DNMT1: variants seen among roughly 807,000 people sequenced by gnomAD.
DNMT1 encodes the protein DNA (cytosine-5)-methyltransferase 1.
In DNMT1, 24 loss-of-function variants were observed where a neutral mutation model predicts 205.3. The ratio of observed to expected loss-of-function variants is 0.12; its 90% confidence interval spans 0.08 to 0.16. The LOEUF is 0.16. Among genes scored for constraint, DNMT1 ranks in the 10% least tolerant of loss-of-function variants. DNMT1 has a pLI of 1.00. For synonymous variants in DNMT1, 817 were observed against 839.8 expected, an observed-to-expected ratio of 0.97 and a Z score of 0.47; for missense variants, 1,293 against 2,177.7, an observed-to-expected ratio of 0.59 and a Z score of 8.09.
At chr19:10,177,945 A>G (rs192914952) in intron 5 of DNMT1, among the ~76,000 whole-genome samples, 13 of 151,826 alleles carry the variant, frequency 8.6e-5, no homozygotes, top group Admixed American at 2.0e-4. Flanking sequence ...AAAAAAAAAA[A>G]AAAAGAAAAG....
chr19:10,167,076 G>A (rs1009320456), intron 10 of DNMT1, among the ~76,000 whole-genome samples: 1 of 152,154 alleles, frequency 6.6e-6, no homozygotes, highest in Non-Finnish European at 1.5e-5. Context: ...GCACACAGGG[G>A]TCCGAGTCTT....
chr19:10,191,458 C>T (rs2039303749), intron 1 of DNMT1, among the ~76,000 whole-genome samples: 1 of 151,706 alleles, frequency 6.6e-6, no homozygotes, highest in African/African-American at 2.4e-5. Context: ...AACTCCAATG[C>T]CTACAGTGAA....
At chr19:10,194,660 G>T in intron 1 of DNMT1, 160 bp downstream of exon 1, 1 of 1,005,908 alleles carries the variant, frequency 9.9e-7, no homozygotes. Context: ...GCGACCGGAA[G>T]TGCCACCCTG....
intron 13 of DNMT1, among the ~76,000 whole-genome samples, chr19:10,161,073 G>A (rs776823271): frequency 3.9e-5 from 6 of 152,086 alleles, no homozygotes; most frequent in Non-Finnish European, 7.4e-5. Context: ...TTGGGAGACC[G>A]AGGCGGATGG....
chr19:10,162,357 C>T (rs2038586336), intron 13 of DNMT1, among the ~76,000 whole-genome samples: 1 of 151,514 alleles, frequency 6.6e-6, no homozygotes, highest in Non-Finnish European at 1.5e-5. Flanking sequence ...GCAACCTCCA[C>T]CTCCCAGGCT....
intron 28 of DNMT1, 160 bp from the exon 29 acceptor site, chr19:10,144,147 C>T (rs1188682105): frequency 9.0e-6 from 7 of 777,498 alleles, no homozygotes; most frequent in East Asian, 2.8e-5. Context: ...TTGTGGCTCA[C>T]GCCTGTAATC....
At chr19:10,152,082 C>A (rs997116992) in intron 22 of DNMT1, among the ~76,000 whole-genome samples, 2 of 134,334 alleles carry the variant, frequency 1.5e-5, no homozygotes, top group African/African-American at 5.6e-5. Flanking sequence ...ATTGCCTGAA[C>A]CTGGGAGGTG....
chr19:10,143,629 A>G, intron 29 of DNMT1, 137 bp downstream of exon 29: 2 of 993,628 alleles, frequency 2.0e-6, no homozygotes, highest in South Asian at 2.6e-5. Context: ...GCCCACCGAT[A>G]ATCAGAAACA....
chr19:10,142,420 G>A (rs2089618130), intron 29 of DNMT1, among the ~76,000 whole-genome samples, 200 bp from the exon 30 acceptor site: 1 of 150,708 alleles, frequency 6.6e-6, no homozygotes, highest in Non-Finnish European at 1.5e-5. Context: ...CTGCAAGGTA[G>A]ACTCCCCCCC....
chr19:10,151,878 G>A lies in DNMT1; in HGVS notation c.2020-31C>T. 6.2e-7 allele frequency: 1 copy of A among 1,604,674 alleles called. No homozygotes were observed. ...AAATGGCATTAAAAAGGCAAATCAG[G>A]GCTGGGCACAGTGGTTCATGCCTGT... is the stretch of plus-strand genomic sequence containing the variant. On this transcript the variant is annotated intron_variant, in intron 22 of 40. Coordinates refer to ENST00000359526, the MANE Select transcript of DNMT1 (RefSeq NM_001130823.3). This position sits in a 1 kb window ranked among gnomAD's most constrained non-coding sequence, Gnocchi z 5.0.
chr19:10,177,145 T>C (rs1188180625), intron 6 of DNMT1, 147 bp downstream of exon 6: 8 of 720,986 alleles, frequency 1.1e-5, no homozygotes, highest in Non-Finnish European at 1.7e-5. Flanking sequence ...TTTTCAGAAA[T>C]GCTATTCATA....
intron 6 of DNMT1, 97 bp from the exon 7 acceptor site, chr19:10,175,715 C>T: frequency 1.7e-6 from 2 of 1,174,872 alleles, no homozygotes; most frequent in South Asian, 2.5e-5. Flanking sequence ...TTGAAAGAGG[C>T]TTCAAGTTTA....
chr19:10,182,799 A>G (rs1789084139), intron 1 of DNMT1, among the ~76,000 whole-genome samples: 1 of 150,824 alleles, frequency 6.6e-6, no homozygotes, highest in Non-Finnish European at 1.5e-5. Context: ...CCTCCCAAGT[A>G]GCTGGGATTA....
At position 10,137,148 on chromosome 19, in the gene DNMT1, G is replaced by T. The variant is rs2089501004; in HGVS notation, c.4426C>A (p.His1476Asn). ...TMARKLRYTH[H>N]DRKNGRSSSG... ...CTGCTGCGGCCGTTCTTCCTGTCATGGTGGGTATACCGCAGCTTCCTGGCC... is the reference window on the plus strand; with the variant it reads ...CTGCTGCGGCCGTTCTTCCTGTCATTGTGGGTATACCGCAGCTTCCTGGCC... Residue 1476 changes from histidine (H) to asparagine (N), a missense_variant, in exon 37 of 41, where the codon CAT becomes AAT. His to Asn is a moderately conservative substitution (Grantham distance 68). Around this residue, in one of 13 missense-constraint regions of DNMT1, gnomAD observed 148 missense variants for 256.1 expected, o/e 0.58. Transcript: ENST00000359526. The surrounding 1 kb of genome is among the most constrained non-coding windows in gnomAD (Gnocchi z 6.4). 1 of 1,610,690 alleles carries T rather than the reference G, an allele frequency of 6.2e-7. No individual in the cohort carries two copies. The highest frequency in any genetic ancestry group is 8.5e-7 in the Non-Finnish European group (1 of 1,179,110).
At position 10,138,579 on chromosome 19, in the gene DNMT1, A is replaced by G. The variant is rs768712864; in HGVS notation, c.3975T>C (p.Thr1325=). ...LQAGQYGVAQ[T]RRRAIILAAA... is the part of the protein sequence containing the mutation. ...CGGCCAGGATGATGGCCCGCCTCCT[A>G]GTCTGGGCCACGCCGTACTGACCGG... is the stretch of plus-strand genomic sequence containing the variant. The change falls in exon 35 of 41, where the codon ACT becomes ACC. Residue 1325 remains threonine, a synonymous_variant. Coordinates refer to ENST00000359526, the MANE Select transcript of DNMT1 (RefSeq NM_001130823.3). This position sits in a 1 kb window ranked among gnomAD's most constrained non-coding sequence, Gnocchi z 4.1. 6.3e-5 allele frequency: 101 copies of G among 1,607,332 alleles called. No individual in the cohort carries two copies. The highest frequency in any genetic ancestry group is 8.2e-5 in the Non-Finnish European group (97 of 1,179,986).
rs146164261 is a variant in DNMT1, at chr19:10,144,297, A to T, written c.2895-310T>A. The T allele has an allele frequency of 2.2e-3, 814 of 367,218 alleles. 12 individuals carry two copies. The highest frequency in any genetic ancestry group is 0.016 in the African/African-American group (763 of 47,454). 22.7% of individuals were successfully genotyped at this position (367,218 alleles called of 1,614,324 possible). On this transcript the variant is annotated intron_variant, in intron 28 of 40. Transcript: ENST00000359526. ...GTGGTACATGCCTATAATTCCAGCT[A>T]CTTGGGAGGCTGAGGCAGGAGAATT...
chr19:10,154,185 T>C lies in DNMT1; in HGVS notation c.2019+108A>G, dbSNP rs779876458. On this transcript the variant is annotated intron_variant, in intron 22 of 40. Coordinates refer to ENST00000359526, the MANE Select transcript of DNMT1 (RefSeq NM_001130823.3). This position sits in a 1 kb window ranked among gnomAD's most constrained non-coding sequence, Gnocchi z 6.3. Reference sequence around the variant, plus strand: ...CTAATTTCTGTCTCAGGGGTCACATTTGAGCAGCCAGAGTCTCAAGCCACA... The same window carrying C: ...CTAATTTCTGTCTCAGGGGTCACATCTGAGCAGCCAGAGTCTCAAGCCACA... 10 of 1,208,044 alleles carry C rather than the reference T, an allele frequency of 8.3e-6. No homozygotes were observed. Among genetic ancestry groups the C allele is most frequent in the Non-Finnish European group, 1.1e-5 (9 of 819,168 alleles). 74.8% of individuals were successfully genotyped at this position (1,208,044 alleles called of 1,614,324 possible). A position where few individuals can be genotyped will look rare whatever the true frequency, so the allele number is the denominator to read the frequency against.
At position 10,180,883 on chromosome 19, in the gene DNMT1, T is replaced by C; in HGVS notation, c.120A>G (p.Glu40=). The change falls in exon 3 of 41, where the codon GAA becomes GAG. Residue 40 remains glutamate (E), a splice_region_variant and synonymous_variant. Transcript: ENST00000359526. The part of the protein sequence containing the change: ...DLERDSLTEK[E]CVKEKLNLLH... ...AGAGATTCAATTTCTCCTTCACACA[T>C]TCCTAAGGGAAGGATATAGGTTTAG... is the stretch of plus-strand genomic sequence containing the variant. 6.2e-7 allele frequency: 1 copy of C among 1,613,362 alleles called. No homozygotes were observed. The highest frequency in any genetic ancestry group is 8.5e-7 in the Non-Finnish European group (1 of 1,179,282).
chr19:10,177,887 C>T (rs564527489), intron 5 of DNMT1, among the ~76,000 whole-genome samples: 128 of 147,600 alleles, frequency 8.7e-4, no homozygotes, highest in Middle Eastern at 3.6e-3. Context: ...GAGCCAAGAT[C>T]GCGCCACTGT....
Sources: gnomAD v4.1 joint callset for allele counts (sites outside exome capture counted in the v4.1 genomes callset) on GRCh38, gnomAD v4.1.1 for gene constraint, gnomAD v4.1.1 regional missense constraint, Gnocchi (gnomAD v3.1) non-coding constraint, MANE v1.5 for transcripts, NCBI Gene and HGNC (gene_info 2026-07-23, HGNC 2026-07-21) for gene names.